Variants in GSK3B observed in about 807,000 individuals in gnomAD.
GSK3B encodes the protein glycogen synthase kinase 3 beta, also known as glycogen synthase kinase-3 beta.
Under a neutral mutation model 56.4 loss-of-function variants are expected in GSK3B, and 15 were observed. The ratio of observed to expected loss-of-function variants is 0.27; its 90% CI spans 0.18 to 0.41. The LOEUF (loss-of-function observed/expected upper bound fraction) is 0.41. GSK3B is among the 10% of genes least tolerant of loss of function. GSK3B has a pLI of 1.00. For missense variants in GSK3B, 300 were observed against 513.4 expected, an observed-to-expected ratio of 0.58 and a Z score of 4.02; for synonymous variants, 181 against 188.9, an observed-to-expected ratio of 0.96 and a Z score of 0.34.
chr3:120,010,088 A>G (rs2107496363), intron 1 of GSK3B, among the ~76,000 whole-genome samples: 1 of 152,332 alleles, frequency 6.6e-6, no homozygotes, highest in Admixed American at 6.5e-5. Context: ...GCAGTATTAT[A>G]TATGCTTTAA....
At chr3:119,842,659 T>C (rs1469819142) in intron 10 of GSK3B, among the ~76,000 whole-genome samples, 2 of 152,174 alleles carry the variant, frequency 1.3e-5, no homozygotes, top group Non-Finnish European at 2.9e-5. Context: ...GGTCTCACTA[T>C]GTTGTCCAGG....
intron 9 of GSK3B, among the ~76,000 whole-genome samples, chr3:119,846,763 T>C (rs2055862160): frequency 6.6e-6 from 1 of 152,246 alleles, no homozygotes; most frequent in Admixed American, 6.5e-5. Flanking sequence ...AAATACCATT[T>C]GACCCAGCCA....
chr3:119,867,868 C>T (rs2056202981), intron 8 of GSK3B, among the ~76,000 whole-genome samples: 1 of 151,956 alleles, frequency 6.6e-6, no homozygotes, highest in African/African-American at 2.4e-5. Context: ...TAAAATCTGG[C>T]CCATCAGAAT....
intron 1 of GSK3B, among the ~76,000 whole-genome samples, chr3:120,006,433 C>G (rs920716914): frequency 4.6e-5 from 7 of 152,206 alleles, no homozygotes; most frequent in Non-Finnish European, 7.3e-5. Context: ...ACCTACAGAA[C>G]TCTGCACCCC....
chr3:120,023,669 C>T (rs1053613665), intron 1 of GSK3B, among the ~76,000 whole-genome samples: 2 of 152,140 alleles, frequency 1.3e-5, no homozygotes, highest in Non-Finnish European at 2.9e-5. Context: ...CACACACCCT[C>T]GTCACAAACC....
chr3:119,831,724 C>T (rs2055603323), intron 10 of GSK3B, among the ~76,000 whole-genome samples: 1 of 151,930 alleles, frequency 6.6e-6, no homozygotes, highest in Non-Finnish European at 1.5e-5. Context: ...AGCACAGTTA[C>T]TTTATTTTCA....
intron 2 of GSK3B, among the ~76,000 whole-genome samples, chr3:119,972,886 A>C (rs1181667006): frequency 6.6e-6 from 1 of 152,202 alleles, no homozygotes; most frequent in Non-Finnish European, 1.5e-5. Context: ...AGTTCTATAG[A>C]AGTTAAAAGA....
chr3:120,010,249 AC>A, intron 1 of GSK3B, among the ~76,000 whole-genome samples: 1 of 152,068 alleles, frequency 6.6e-6, no homozygotes, highest in Non-Finnish European at 1.5e-5. Context: ...ATCATGCCCC[AC>A]CCCCCAAAAT....
At chr3:119,856,663 A>G (rs1338384100) in intron 9 of GSK3B, among the ~76,000 whole-genome samples, 1 of 152,138 alleles carries the variant, frequency 6.6e-6, no homozygotes, top group Non-Finnish European at 1.5e-5. Flanking sequence ...TGGCCTACCT[A>G]GCATTTCATT....
chr3:119,842,605 G>T (rs1472124413), intron 10 of GSK3B, among the ~76,000 whole-genome samples: 1 of 151,988 alleles, frequency 6.6e-6, no homozygotes. Flanking sequence ...TGTAAAAACC[G>T]TAACTTCAAA....
chr3:119,912,772 T>C lies in GSK3B; in HGVS notation c.647A>G (p.Tyr216Cys). The change falls in exon 6 of 11, where the codon TAT (tyrosine) becomes TGT (cysteine). Residue 216 changes from tyrosine to cysteine, a missense_variant. Tyr to Cys is a radical substitution (Grantham distance 194). Coordinates refer to ENST00000264235, the MANE Select transcript of GSK3B (RefSeq NM_001146156.2). ...TGCCCTATAGTACCGAGAACAGATA[T>C]ACGAAACATTGGGTTCTCCTCGGAC... Reference protein sequence around the residue: ...QLVRGEPNVSYICSRYYRAPE... With the variant: ...QLVRGEPNVSCICSRYYRAPE... 1 of 1,602,200 alleles carries C rather than the reference T, an allele frequency of 6.2e-7. No homozygotes were observed. Among genetic ancestry groups the C allele is most frequent in the Non-Finnish European group, 8.5e-7 (1 of 1,170,904 alleles).
intron 1 of GSK3B, among the ~76,000 whole-genome samples, chr3:120,033,585 T>C (rs768766852): frequency 6.6e-6 from 1 of 152,228 alleles, no homozygotes; most frequent in Non-Finnish European, 1.5e-5. Context: ...TGAGCATCTT[T>C]TCGTGCATTG....
chr3:119,971,971 TTTCTTAAC>T (rs2057372263), intron 2 of GSK3B, among the ~76,000 whole-genome samples: 1 of 152,176 alleles, frequency 6.6e-6, no homozygotes, highest in Admixed American at 6.5e-5. Flanking sequence ...TTAAACTTAT[TTTCTTAAC>T]TAAGTTCCCT....
rs555287598 is a variant in GSK3B at position 119,937,254 on chromosome 3, T to C, written c.366+10014A>G. On this transcript the variant is annotated intron_variant, in intron 3 of 10. Transcript: ENST00000264235. ...GGAGATGGGGTCTAATGGAAGGTAT[T>C]TGGACCACAGAGGTGGATCCCTCAT... Among the ~76,000 whole-genome samples, 23 of 152,186 alleles carry C rather than the reference T, an allele frequency of 1.5e-4. 1 individual carries two copies. The highest frequency in any genetic ancestry group is 4.1e-4 in the African/African-American group (17 of 41,442).
At chr3:120,058,482 G>T (rs1460985923) in intron 1 of GSK3B, among the ~76,000 whole-genome samples, 1 of 152,128 alleles carries the variant, frequency 6.6e-6, no homozygotes, top group East Asian at 1.9e-4. Flanking sequence ...TGGAGTTATA[G>T]AGTCTCCTGA....
chr3:120,073,703 T>C (rs1378547355), intron 1 of GSK3B, among the ~76,000 whole-genome samples: 1 of 152,186 alleles, frequency 6.6e-6, no homozygotes, highest in African/African-American at 2.4e-5. Flanking sequence ...GGCCATACAG[T>C]GGAGCAATTA....
At chr3:119,959,546 A>C (rs1576229930) in intron 2 of GSK3B, among the ~76,000 whole-genome samples, 10 of 118,396 alleles carry the variant, frequency 8.4e-5, no homozygotes, top group Admixed American at 4.4e-4. Flanking sequence ...ACAGAGCCTC[A>C]CTCTGTCGCC....
chr3:119,864,171 A>AT (rs2056146370), intron 8 of GSK3B, among the ~76,000 whole-genome samples: 2 of 151,980 alleles, frequency 1.3e-5, no homozygotes, highest in Admixed American at 1.3e-4. Flanking sequence ...AATGTCCTGC[A>AT]TTTTTTTTCT....
rs766611571 is a variant in GSK3B, at chr3:119,863,623, G to A, written c.910-18C>T. 5 of 1,516,860 alleles carry A rather than the reference G, an allele frequency of 3.3e-6. No individual in the cohort carries two copies. The highest frequency in any genetic ancestry group is 1.8e-6 in the Non-Finnish European group (2 of 1,095,086). 94.0% of individuals were successfully genotyped at this position (1,516,860 alleles called of 1,614,324 possible). On this transcript the variant is annotated intron_variant, in intron 8 of 10. Transcript: ENST00000264235. ...CGGAAGACCTGCAGTACAAAAAAAG[G>A]GAAAGAACAATTAATGTTTTATTTT...
Sources: gnomAD v4.1 joint callset for allele counts (sites outside exome capture counted in the v4.1 genomes callset) on GRCh38, gnomAD v4.1.1 for gene constraint, MANE v1.5 for transcripts, NCBI Gene and HGNC (gene_info 2026-07-23, HGNC 2026-07-21) for gene names.